CNDP2: variants seen among roughly 807,000 people sequenced by gnomAD.
CNDP2 encodes cytosolic non-specific dipeptidase.
Under a neutral mutation model 55.0 loss-of-function variants are expected in CNDP2, and 38 were observed. The ratio of observed to expected loss-of-function variants is 0.69; its 90% CI spans 0.53 to 0.90. CNDP2 has a LOEUF of 0.90. Among genes scored for constraint, CNDP2 ranks in the 40% least tolerant of loss-of-function variants. CNDP2 has a pLI of 0.00. For synonymous variants in CNDP2, 241 were observed against 260.2 expected (o/e 0.93, Z 0.71); for missense variants, 607 against 621.7 (o/e 0.98, Z 0.25).
intron 11 of CNDP2, 102 bp downstream of exon 11, chr18:74,519,198 G>T (rs1979911119): frequency 2.8e-6 from 4 of 1,434,222 alleles, no homozygotes; most frequent in Non-Finnish European, 3.7e-6. Context: ...AGCAGGTGGG[G>T]GTGATGGCCC....
intron 3 of CNDP2, 39 bp from the exon 4 acceptor site, chr18:74,505,810 A>G: frequency 6.2e-7 from 1 of 1,611,496 alleles, no homozygotes; most frequent in Non-Finnish European, 8.5e-7. Context: ...AATTTCTTAA[A>G]CAAAGGCTGT....
At chr18:74,504,684 A>G (rs538613054) in intron 3 of CNDP2, 1 of 152,362 alleles carries the variant, frequency 6.6e-6, no homozygotes, top group East Asian at 1.9e-4. Context: ...CATGAACAGT[A>G]TTTTCTAGCA....
chr18:74,510,614 C>T (rs921404736), intron 5 of CNDP2, among the ~76,000 whole-genome samples, 199 bp from the exon 6 acceptor site: 4 of 152,184 alleles, frequency 2.6e-5, no homozygotes, highest in African/African-American at 9.7e-5. Context: ...CCCCACCTTG[C>T]GAGACTGGAC....
At chr18:74,516,091 C>G (rs1979647707) in intron 8 of CNDP2, 137 bp from the exon 9 acceptor site, 1 of 909,768 alleles carries the variant, frequency 1.1e-6, no homozygotes, top group Non-Finnish European at 1.7e-6. Context: ...GGACCTCCTG[C>G]CTGTGGTTGT....
In CNDP2 at chr18:74,516,318, A is replaced by C; in HGVS notation, c.994A>C (p.Ile332Leu). ...CTCTGGGTCTGGGGCCAAGACCGTG[A>C]TTCCCAGGAAGGTGGTTGGCAAGTT... ...AFSGSGAKTV[I>L]PRKVVGKFSI... is the part of the protein sequence containing the mutation. The change falls in exon 9 of 12, where the codon ATT becomes CTT. Residue 332 changes from isoleucine (I) to leucine (L), a missense_variant. Ile to Leu is a conservative substitution (Grantham distance 5). Transcript: ENST00000324262. 1 of 1,614,060 alleles carries C rather than the reference A, an allele frequency of 6.2e-7. No individual in the cohort carries two copies. The highest frequency in any genetic ancestry group is 8.5e-7 in the Non-Finnish European group (1 of 1,179,998).
intron 6 of CNDP2, among the ~76,000 whole-genome samples, chr18:74,511,458 G>A (rs1487574535): frequency 6.6e-6 from 1 of 152,138 alleles, no homozygotes; most frequent in African/African-American, 2.4e-5. Context: ...TGTAATCCCA[G>A]CACTTTGGGA....
At chr18:74,518,358 C>T (rs936717676) in intron 9 of CNDP2, 141 bp from the exon 10 acceptor site, 5 of 784,106 alleles carry the variant, frequency 6.4e-6, no homozygotes, top group East Asian at 2.6e-5. Context: ...ATCGTAGACT[C>T]AGCATAGACC....
At chr18:74,501,614 G>A in intron 3 of CNDP2, 142 bp downstream of exon 3, 1 of 1,113,122 alleles carries the variant, frequency 9.0e-7, no homozygotes, top group South Asian at 1.7e-5. Context: ...GCCTGATTTG[G>A]ATGGTAAGTT....
At chr18:74,515,294 G>A (rs138279786) in intron 8 of CNDP2, among the ~76,000 whole-genome samples, 38 of 152,290 alleles carry the variant, frequency 2.5e-4, no homozygotes, top group Admixed American at 8.5e-4. Flanking sequence ...TTGCAGGCAC[G>A]GGAGCCTTGG....
chr18:74,497,153 G>C (rs909721827), intron 1 of CNDP2, among the ~76,000 whole-genome samples: 1 of 152,086 alleles, frequency 6.6e-6, no homozygotes, highest in Non-Finnish European at 1.5e-5. Flanking sequence ...GTCAGATTCC[G>C]TAGATCATCC....
rs764869370 is a variant in CNDP2 at position 74,519,037 on chromosome 18, G to T, written c.1299G>T (p.Met433Ile). Reference sequence around the variant, plus strand: ...AGGAGGCCACGGGCAAGAACGTCATGCTGCTGCCTGTGGGGTCAGCGGATG... The same window carrying T: ...AGGAGGCCACGGGCAAGAACGTCATTCTGCTGCCTGTGGGGTCAGCGGATG... ...TFQEATGKNVMLLPVGSADDG... is the reference protein window; with the variant it reads ...TFQEATGKNVILLPVGSADDG... The change falls in exon 11 of 12, where the codon ATG (methionine) becomes ATT (isoleucine). Residue 433 changes from methionine to isoleucine, a missense_variant. Coordinates refer to ENST00000324262, the MANE Select transcript of CNDP2 (RefSeq NM_018235.3). 1 of 1,614,062 alleles carries T rather than the reference G, an allele frequency of 6.2e-7. No individual in the cohort carries two copies. The highest frequency in any genetic ancestry group is 1.7e-5 in the Admixed American group (1 of 60,026).
At chr18:74,511,707 CAAAA>C (rs35283725) in intron 6 of CNDP2, among the ~76,000 whole-genome samples, 3 of 115,218 alleles carry the variant, frequency 2.6e-5, no homozygotes, top group Non-Finnish European at 1.8e-5. Flanking sequence ...GACTCCACTT[CAAAA>C]AAAAAAAAAA....
At chr18:74,513,176 G>A (rs965628616) in intron 7 of CNDP2, among the ~76,000 whole-genome samples, 16 of 152,370 alleles carry the variant, frequency 1.1e-4, no homozygotes, top group African/African-American at 3.4e-4. Context: ...GGTTGTTAGA[G>A]TGGGGCTGCG....
Position 74,508,939 on chromosome 18 carries a change from C to A in CNDP2, c.456+11C>A, listed in dbSNP as rs199565959. The A allele has an allele frequency of 1.7e-5, 28 of 1,611,920 alleles. No homozygotes were observed. The highest frequency in any genetic ancestry group is 4.5e-5 in the East Asian group (2 of 44,868). ...CAGAAAACAGGCCAGGTATGCCCCCCACGCTGACTTCTGCCTGAGTCCTGG... is the reference window on the plus strand; with the variant it reads ...CAGAAAACAGGCCAGGTATGCCCCCAACGCTGACTTCTGCCTGAGTCCTGG... On this transcript the variant is annotated intron_variant, in intron 5 of 11. Transcript: ENST00000324262.
At chr18:74,512,624 G>C in intron 7 of CNDP2, 92 bp downstream of exon 7, 1 of 1,083,576 alleles carries the variant, frequency 9.2e-7, no homozygotes, top group Non-Finnish European at 1.4e-6. Flanking sequence ...GTGCATTTCA[G>C]CATTCCACAT....
Position 74,523,207 on chromosome 18 carries a change from T to C in CNDP2, c.*3139T>C, listed in dbSNP as rs1980150875. 1 of 152,242 alleles carries C rather than the reference T, an allele frequency of 6.6e-6. No individual in the cohort carries two copies. The highest frequency in any genetic ancestry group is 1.5e-5 in the Non-Finnish European group (1 of 68,056). The allele number at this position is 152,242 out of a possible 1,614,324, so 9.4% of individuals were successfully genotyped here. ...CTGGCATGCCACTAGCTGGTTTTGATGTAAACAACAATTTTGTAAAACCCT... is the reference window on the plus strand; with the variant it reads ...CTGGCATGCCACTAGCTGGTTTTGACGTAAACAACAATTTTGTAAAACCCT... On this transcript the variant is annotated 3_prime_UTR_variant, in exon 12 of 12. Transcript: ENST00000324262.
rs1980125621 is a variant in CNDP2 at position 74,522,757 on chromosome 18, A to G, written c.*2689A>G. Reference sequence around the variant, plus strand: ...CATCTCTGCTCATTGTAAATTACCTAGTCTTGGGCATTGTGTTACAGCAGC... The same window carrying G: ...CATCTCTGCTCATTGTAAATTACCTGGTCTTGGGCATTGTGTTACAGCAGC... On this transcript the variant is annotated 3_prime_UTR_variant, in exon 12 of 12. Transcript: ENST00000324262. The G allele has an allele frequency of 6.6e-6, 1 of 152,294 alleles. No individual in the cohort carries two copies. Among genetic ancestry groups the G allele is most frequent in the South Asian group, 2.1e-4 (1 of 4,834 alleles). 9.4% of individuals were successfully genotyped at this position (152,294 alleles called of 1,614,324 possible).
chr18:74,503,766 G>A (rs1455548840), intron 3 of CNDP2, among the ~76,000 whole-genome samples: 3 of 150,258 alleles, frequency 2.0e-5, no homozygotes, highest in African/African-American at 5.1e-5. Context: ...AGTGACGCTG[G>A]GACAAATGAG....
Position 74,505,870 on chromosome 18 carries a change from C to G in CNDP2, c.226C>G (p.Pro76Ala), listed in dbSNP as rs764189268. Residue 76 changes from proline (P) to alanine (A), a missense_variant, in exon 4 of 12, where the codon CCG becomes GCG. Coordinates refer to ENST00000324262, the MANE Select transcript of CNDP2 (RefSeq NM_018235.3). The stretch of plus-strand genomic sequence containing the variant: ...TCAGCTCCCTGATGGCTCGGAGATC[C>G]CGCTCCCTCCTATTCTGCTCGGCAG... ...KQKLPDGSEIPLPPILLGRLG... is the reference protein window; with the variant it reads ...KQKLPDGSEIALPPILLGRLG... 6 of 1,611,522 alleles carry G rather than the reference C, an allele frequency of 3.7e-6. No individual in the cohort carries two copies. Among genetic ancestry groups the G allele is most frequent in the Non-Finnish European group, 5.1e-6 (6 of 1,179,178 alleles).
Sources: gnomAD v4.1 joint callset for allele counts (sites outside exome capture counted in the v4.1 genomes callset) on GRCh38, gnomAD v4.1.1 for gene constraint, MANE v1.5 for transcripts, NCBI Gene and HGNC (gene_info 2026-07-23, HGNC 2026-07-21) for gene names.